The following LYPD6B variants were observed in gnomAD, a reference collection of about 807,000 sequenced individuals.
LYPD6B encodes ly6/PLAUR domain-containing protein 6B.
LYPD6B carries 17 observed loss-of-function variants against 22.8 expected under a neutral mutation model. That is an observed-to-expected ratio of 0.75 (90% confidence interval 0.51 to 1.12). The LOEUF (loss-of-function observed/expected upper bound fraction) is 1.12, where lower values mean the gene tolerates loss of function less well. LYPD6B is among the 50% of genes most tolerant of loss of function. LYPD6B has a pLI of 0.00. For missense variants in LYPD6B, 221 were observed against 258.3 expected, an observed-to-expected ratio of 0.86 and a Z score of 0.99; for synonymous variants, 106 against 91.6, an observed-to-expected ratio of 1.16 and a Z score of -0.90.
At chr2:149,087,721 A>G (rs1198553800) in intron 1 of LYPD6B, among the ~76,000 whole-genome samples, 1 of 152,178 alleles carries the variant, frequency 6.6e-6, no homozygotes, top group Non-Finnish European at 1.5e-5. Context: ...CACCAAGGAA[A>G]TTCTATAGCC....
intron 3 of LYPD6B, among the ~76,000 whole-genome samples, chr2:149,194,878 A>G (rs1017304082): frequency 6.6e-6 from 1 of 152,156 alleles, no homozygotes; most frequent in Non-Finnish European, 1.5e-5. Flanking sequence ...ATAGCTTGGG[A>G]AGGTGGTGTG....
chr2:149,213,251 A>G (rs1304434721), intron 6 of LYPD6B, 129 bp downstream of exon 6: 1 of 1,263,710 alleles, frequency 7.9e-7, no homozygotes, highest in Non-Finnish European at 1.1e-6. Flanking sequence ...ACTCCATACA[A>G]AGATAAAATG....
chr2:149,080,021 C>T (rs1272946913), intron 1 of LYPD6B, among the ~76,000 whole-genome samples: 1 of 152,090 alleles, frequency 6.6e-6, no homozygotes, highest in Admixed American at 6.5e-5. Context: ...CCAACATTGC[C>T]AAAGGGGACT....
chr2:149,127,140 A>G (rs1687747665), intron 1 of LYPD6B, among the ~76,000 whole-genome samples: 1 of 151,706 alleles, frequency 6.6e-6, no homozygotes, highest in South Asian at 2.1e-4. Flanking sequence ...ATATTTTATT[A>G]TATGAAATAT....
At chr2:149,196,135 T>C (rs187685534) in intron 3 of LYPD6B, among the ~76,000 whole-genome samples, 1 of 152,366 alleles carries the variant, frequency 6.6e-6, no homozygotes, top group East Asian at 1.9e-4. Flanking sequence ...TATGCACATA[T>C]ATATCTTTAT....
At chr2:149,172,190 C>T (rs2105933344) in intron 3 of LYPD6B, among the ~76,000 whole-genome samples, 1 of 152,276 alleles carries the variant, frequency 6.6e-6, no homozygotes, top group Non-Finnish European at 1.5e-5. Flanking sequence ...GGGGGAGAAG[C>T]CCCTTATAAA....
chr2:149,197,585 T>G (rs984097992), intron 3 of LYPD6B, among the ~76,000 whole-genome samples: 1 of 152,236 alleles, frequency 6.6e-6, no homozygotes, highest in Non-Finnish European at 1.5e-5. Flanking sequence ...GTTATTCATA[T>G]GTTGCTTGGT....
intron 5 of LYPD6B, among the ~76,000 whole-genome samples, chr2:149,209,385 T>C (rs1358054265): frequency 1.3e-5 from 2 of 152,132 alleles, no homozygotes; most frequent in Non-Finnish European, 2.9e-5. Context: ...ATTGAATGCA[T>C]ATGAACTTGG....
In LYPD6B at chr2:149,205,279, A is replaced by T. The variant is rs1175207611; in HGVS notation, c.104A>T (p.His35Leu). 2.5e-6 allele frequency: 4 copies of T among 1,613,776 alleles called. No homozygotes were observed. The highest frequency in any genetic ancestry group is 3.4e-6 in the Non-Finnish European group (4 of 1,179,818). The change falls in exon 4 of 7, where the codon CAC (histidine) becomes CTC (leucine). Residue 35 changes from histidine (H) to leucine (L), a missense_variant. His to Leu is a moderately conservative substitution (Grantham distance 99). Coordinates refer to ENST00000409642, the MANE Select transcript of LYPD6B (RefSeq NM_177964.5). Reference sequence around the variant, plus strand: ...TATAAGAGTTCGGACCGCCCAGCACACAAGGTCAGCATGCTGCTCCTCTGT... The same window carrying T: ...TATAAGAGTTCGGACCGCCCAGCACTCAAGGTCAGCATGCTGCTCCTCTGT... ...SRYKSSDRPA[H>L]KVSMLLLCHA...
chr2:149,073,063 T>C (rs1417891094), intron 1 of LYPD6B, among the ~76,000 whole-genome samples: 3 of 151,966 alleles, frequency 2.0e-5, no homozygotes, highest in Non-Finnish European at 2.9e-5. Flanking sequence ...TGGTAAGAGG[T>C]GATGTCTTCA....
At chr2:149,123,118 C>T (rs913309295) in intron 1 of LYPD6B, among the ~76,000 whole-genome samples, 10 of 152,184 alleles carry the variant, frequency 6.6e-5, no homozygotes, top group African/African-American at 2.4e-4. Context: ...CAGGAGGATT[C>T]AGTCATCACA....
At chr2:149,097,005 A>T (rs1685933475) in intron 1 of LYPD6B, among the ~76,000 whole-genome samples, 1 of 152,256 alleles carries the variant, frequency 6.6e-6, no homozygotes, top group Non-Finnish European at 1.5e-5. Flanking sequence ...GCATCCAAAC[A>T]TGCTTGCCTA....
At chr2:149,089,768 A>G in intron 1 of LYPD6B, among the ~76,000 whole-genome samples, 1 of 152,216 alleles carries the variant, frequency 6.6e-6, no homozygotes, top group East Asian at 1.9e-4. Flanking sequence ...TTCATCCTGT[A>G]GCTGTAAGGC....
At chr2:149,198,820 A>G (rs190409691) in intron 3 of LYPD6B, among the ~76,000 whole-genome samples, 228 of 152,316 alleles carry the variant, frequency 1.5e-3, no homozygotes, top group African/African-American at 5.2e-3. Flanking sequence ...CTGAAATGTG[A>G]TGGGACTGCT....
chr2:149,207,986 A>G (rs1693607192), intron 4 of LYPD6B, among the ~76,000 whole-genome samples: 3 of 152,108 alleles, frequency 2.0e-5, no homozygotes, highest in South Asian at 4.1e-4. Flanking sequence ...CAATACCTCT[A>G]CTGCCCTCAT....
intron 1 of LYPD6B, chr2:149,118,143 T>A (rs1184262485): frequency 1.3e-5 from 2 of 152,272 alleles, no homozygotes; most frequent in African/African-American, 2.4e-5. Context: ...CACCTCATTC[T>A]ATTGGCTGCA....
At chr2:149,203,237 G>T (rs1464705989) in intron 3 of LYPD6B, among the ~76,000 whole-genome samples, 1 of 152,140 alleles carries the variant, frequency 6.6e-6, no homozygotes, top group Non-Finnish European at 1.5e-5. Flanking sequence ...TCCCATAGTT[G>T]CTTAGTAGTG....
intron 1 of LYPD6B, among the ~76,000 whole-genome samples, chr2:149,110,271 G>T (rs142804456): frequency 0.014 from 2,120 of 151,784 alleles, 29 homozygotes; most frequent in Non-Finnish European, 0.02. Flanking sequence ...CAATGCCTTT[G>T]TCTGATAATT....
chr2:149,213,498 A>G (rs1575195319), intron 6 of LYPD6B, among the ~76,000 whole-genome samples: 1 of 152,238 alleles, frequency 6.6e-6, no homozygotes, highest in Admixed American at 6.5e-5. Context: ...TCAGTTTAAT[A>G]TGATGAACTG....
Sources: allele counts gnomAD v4.1 joint callset (sites outside exome capture counted in the v4.1 genomes callset), GRCh38; gene constraint gnomAD v4.1.1; transcripts MANE v1.5; gene names NCBI Gene and HGNC (gene_info 2026-07-23, HGNC 2026-07-21).